MYOM1: variants seen among roughly 807,000 people sequenced by gnomAD.
MYOM1 encodes the protein myomesin-1.
MYOM1 carries 164 observed loss-of-function variants against 205.3 expected under a neutral mutation model. That is an observed-to-expected ratio of 0.80 (90% CI 0.70 to 0.91). The LOEUF (loss-of-function observed/expected upper bound fraction) is 0.91. Ranked by LOEUF, MYOM1 falls within the 40% of genes least tolerant of loss-of-function variation. The pLI is 0.00. For synonymous variants in MYOM1, 772 were observed against 789.4 expected, an observed-to-expected ratio of 0.98 and a Z score of 0.37; for missense variants, 2,011 against 2,127.3, an observed-to-expected ratio of 0.95 and a Z score of 1.08.
At chr18:3,242,491 A>G in the MYOM1 span, among the ~76,000 whole-genome samples, 2 of 152,176 alleles carry the variant, frequency 1.3e-5, no homozygotes, top group South Asian at 2.1e-4. Flanking sequence ...TCTTTTGTAA[A>G]TTACCCAGTC....
At chr18:3,173,250 A>G (rs1004914572) in intron 8 of MYOM1, among the ~76,000 whole-genome samples, 2 of 152,188 alleles carry the variant, frequency 1.3e-5, no homozygotes, top group Non-Finnish European at 2.9e-5. Context: ...TTTTTATTTA[A>G]TCATATTTAG....
At chr18:3,115,867 G>A (rs532494033) in intron 21 of MYOM1, among the ~76,000 whole-genome samples, 2 of 152,216 alleles carry the variant, frequency 1.3e-5, no homozygotes, top group South Asian at 4.1e-4. Context: ...TGTGAGAACC[G>A]GCCTGAGGGA....
chr18:3,182,914 T>C lies in MYOM1; in HGVS notation c.929+4566A>G, dbSNP rs1016975901. Among the ~76,000 whole-genome samples, 278 of 91,454 alleles carry C rather than the reference T, an allele frequency of 3.0e-3. 2 individuals are homozygous for C. The highest frequency in any genetic ancestry group is 0.017 in the African/African-American group (235 of 14,026). The allele number at this position is 91,454 out of a possible 152,430, so 60.0% of individuals were successfully genotyped here. A position where few individuals can be genotyped will look rare whatever the true frequency, so the allele number is the denominator to read the frequency against. ...CTCTGCAACTAACTTTTCTTTCTTC[T>C]TTTTTTTTTTTTTTTTTTTTTTTTT... On this transcript the variant is annotated intron_variant, in intron 5 of 37. Coordinates refer to ENST00000356443, the MANE Select transcript of MYOM1 (RefSeq NM_003803.4).
At chr18:3,150,979 C>CTTT (rs1164882266) in intron 12 of MYOM1, among the ~76,000 whole-genome samples, 8 of 55,900 alleles carry the variant, frequency 1.4e-4, no homozygotes, top group South Asian at 6.2e-4. Context: ...CCATGCCTGG[C>CTTT]TTTTTTTTTT....
At position 3,094,211 on chromosome 18, in the gene MYOM1, C is replaced by T. The variant is rs1255015961; in HGVS notation, c.3823G>A (p.Val1275Ile). 3 of 1,613,868 alleles carry T rather than the reference C, an allele frequency of 1.9e-6. No homozygotes were observed. Among genetic ancestry groups the T allele is most frequent in the Non-Finnish European group, 2.5e-6 (3 of 1,179,876 alleles). ...TCCTTCTCGTTAAATATGTAGTTGA[C>T]TTTGGCATTGCCAGACAGTTTCTCA... ...QAEKLSGNAK[V>I]NYIFNEKEIF... Residue 1275 changes from valine to isoleucine, a missense_variant, in exon 26 of 38, where the codon GTC becomes ATC. Physicochemically the swap from Val to Ile is conservative, Grantham distance 29. Transcript: ENST00000356443.
chr18:3,196,239 C>G (rs147427895), intron 2 of MYOM1, among the ~76,000 whole-genome samples: 111 of 152,226 alleles, frequency 7.3e-4, no homozygotes, highest in African/African-American at 2.3e-3. Context: ...AAAAACCATC[C>G]ATAGTCTATT....
chr18:3,231,733 G>A, the MYOM1 span, among the ~76,000 whole-genome samples: 3 of 151,164 alleles, frequency 2.0e-5, no homozygotes, highest in African/African-American at 4.9e-5. Context: ...TAGTAGAGAC[G>A]GGGTTTCACC....
At position 3,101,989 on chromosome 18, in the gene MYOM1, A is replaced by ATT. The variant is rs35882298; in HGVS notation, c.3575+483_3575+484dup. Among the ~76,000 whole-genome samples, 84 of 55,848 alleles carry ATT rather than the reference A, an allele frequency of 1.5e-3. 3 individuals carry two copies. The highest frequency in any genetic ancestry group is 1.8e-3 in the Non-Finnish European group (58 of 32,556). The allele number at this position is 55,848 out of a possible 152,430, so 36.6% of individuals were successfully genotyped here. ...GTGTGAGCCAATGAGTCAGTCTGGG[A>ATT]TTTTTTTTTTTTTTTTTTTTTTTTT... On this transcript the variant is annotated intron_variant, in intron 23 of 37. Transcript: ENST00000356443.
chr18:3,167,862 C>T (rs1275481720), intron 9 of MYOM1, among the ~76,000 whole-genome samples: 3 of 152,156 alleles, frequency 2.0e-5, no homozygotes, highest in Admixed American at 2.0e-4. Context: ...ATTTCTTTCT[C>T]ACACCAAACT....
At chr18:3,227,999 C>T in the MYOM1 span, among the ~76,000 whole-genome samples, 1 of 152,060 alleles carries the variant, frequency 6.6e-6, no homozygotes, top group South Asian at 2.1e-4. Context: ...AGAGATTTTA[C>T]CCTACTTGCA....
intron 18 of MYOM1, among the ~76,000 whole-genome samples, chr18:3,127,305 A>ATATATATATATATATATAT (rs56880961): frequency 4.2e-5 from 2 of 47,570 alleles, no homozygotes; most frequent in Non-Finnish European, 7.3e-5. Context: ...ATATATATAT[A>ATATATATATATATATATAT]TTTTTTTTTT....
chr18:3,089,163 C>T lies in MYOM1; in HGVS notation c.4137+11G>A, dbSNP rs1460821194. 5 of 1,584,842 alleles carry T rather than the reference C, an allele frequency of 3.2e-6. No homozygotes were observed. Among genetic ancestry groups the T allele is most frequent in the Non-Finnish European group, 4.3e-6 (5 of 1,159,360 alleles). ...CTTGAATCAAATATTAAAAATTTAT[C>T]TACCTCTTACCTTGCATTTCAATAG... On this transcript the variant is annotated intron_variant, in intron 29 of 37. Coordinates refer to ENST00000356443, the MANE Select transcript of MYOM1 (RefSeq NM_003803.4).
chr18:3,129,539 A>G lies in MYOM1; in HGVS notation c.2507-20T>C, dbSNP rs1014551990. ...CTCCCCCTACAGTTGCCAGACAACA[A>G]CAGAAACGCATTGAGCCCGGACAGA... On this transcript the variant is annotated intron_variant, in intron 17 of 37. Transcript: ENST00000356443. 6.3e-6 allele frequency: 10 copies of G among 1,593,152 alleles called. No homozygotes were observed. The highest frequency in any genetic ancestry group is 7.7e-6 in the Non-Finnish European group (9 of 1,169,530).
At chr18:3,232,965 T>C in the MYOM1 span, among the ~76,000 whole-genome samples, 1 of 152,226 alleles carries the variant, frequency 6.6e-6, no homozygotes, top group Non-Finnish European at 1.5e-5. Context: ...TTTTGTTCCT[T>C]TGTAGTGTTT....
chr18:3,075,874 C>T (rs2298536), intron 34 of MYOM1, 113 bp from the exon 35 acceptor site: 13 of 902,944 alleles, frequency 1.4e-5, no homozygotes, highest in East Asian at 5.3e-5. Flanking sequence ...ATGACTAAAC[C>T]GACTTTGATT....
intron 10 of MYOM1, among the ~76,000 whole-genome samples, chr18:3,161,115 C>T (rs1337864650): frequency 1.3e-5 from 2 of 152,204 alleles, no homozygotes; most frequent in Non-Finnish European, 2.9e-5. Flanking sequence ...TAAATGAACG[C>T]ACTTGCTAAT....
At chr18:3,149,597 A>C (rs1235582989) in intron 12 of MYOM1, among the ~76,000 whole-genome samples, 2 of 152,206 alleles carry the variant, frequency 1.3e-5, no homozygotes, top group South Asian at 4.1e-4. Flanking sequence ...CCCAGTAGTT[A>C]TTTATTGTCA....
rs1241615115 is a variant in MYOM1, at chr18:3,181,222, G to A, written c.930-5088C>T. On this transcript the variant is annotated intron_variant, in intron 5 of 37. Transcript: ENST00000356443. The stretch of plus-strand genomic sequence containing the variant: ...ATTACAGGCATGAACCACCACGCCC[G>A]GCCAAAGATGATCTTTAATATACTG... Among the ~76,000 whole-genome samples the A allele has an allele frequency of 5.9e-5, 9 of 152,088 alleles. 1 individual carries two copies. The highest frequency in any genetic ancestry group is 4.1e-4 in the South Asian group (2 of 4,830).
At chr18:3,212,675 T>C (rs534882060) in intron 2 of MYOM1, among the ~76,000 whole-genome samples, 1 of 152,328 alleles carries the variant, frequency 6.6e-6, no homozygotes, top group East Asian at 1.9e-4. Context: ...TCTATAAACC[T>C]AGCACAAACA....
Sources: allele counts gnomAD v4.1 joint callset (sites outside exome capture counted in the v4.1 genomes callset), GRCh38; gene constraint gnomAD v4.1.1; transcripts MANE v1.5; gene names NCBI Gene and HGNC (gene_info 2026-07-23, HGNC 2026-07-21).